Variants in NCEH1 observed in about 807,000 individuals in gnomAD.
NCEH1 encodes 2-acetyl MAGE hydrolase.
NCEH1 carries 9 observed loss-of-function variants against 25.4 expected under a neutral mutation model. That is an observed-to-expected ratio of 0.35 (90% CI 0.21 to 0.62). NCEH1 has a LOEUF of 0.62. Among genes scored for constraint, NCEH1 ranks in the 20% least tolerant of loss-of-function variants. The pLI, the probability that NCEH1 is intolerant of heterozygous loss-of-function variation, is 0.72. For missense variants in NCEH1, 412 were observed against 501.1 expected (o/e 0.82, Z 1.70); for synonymous variants, 200 against 199.8 (o/e 1.00, Z -0.01).
rs1177967765 is a variant in NCEH1, at chr3:172,645,797, AAAAAC to A, written c.368-110_368-106del. 9 of 591,140 alleles carry A rather than the reference AAAAAC, an allele frequency of 1.5e-5. No homozygotes were observed. In the African/African-American group the frequency reaches 1.7e-4, roughly 11 times the overall value. 36.6% of individuals were successfully genotyped at this position (591,140 alleles called of 1,614,324 possible). A position where few individuals can be genotyped will look rare whatever the true frequency, so the allele number is the denominator to read the frequency against. On this transcript the variant is annotated intron_variant, in intron 2 of 4. Transcript: ENST00000475381. Reference sequence around the variant, plus strand: ...TGTTTTTAGGCTTGGAGCTAATACTAAAAACAAATAATAAAAAGCAAATGTGAACA... The same window carrying A: ...TGTTTTTAGGCTTGGAGCTAATACTAAAATAATAAAAAGCAAATGTGAACA...
At chr3:172,675,335 A>AATTAATTAATTAATTAATT (rs1560197091) in intron 1 of NCEH1, among the ~76,000 whole-genome samples, 6 of 137,638 alleles carry the variant, frequency 4.4e-5, no homozygotes, top group African/African-American at 8.3e-5. Context: ...ATAAATAAAT[A>AATTAATTAATTAATTAATT]AATAAATGAT....
intron 1 of NCEH1, among the ~76,000 whole-genome samples, chr3:172,689,156 A>G (rs964800840): frequency 2.0e-5 from 3 of 151,580 alleles, no homozygotes; most frequent in Non-Finnish European, 2.9e-5. Context: ...AATAAGTTGT[A>G]GTAAAGCTGA....
At chr3:172,701,616 G>GTTTTTTT (rs60219751) in intron 1 of NCEH1, among the ~76,000 whole-genome samples, 12 of 110,724 alleles carry the variant, frequency 1.1e-4, no homozygotes, top group African/African-American at 1.5e-4. Flanking sequence ...TGCCCAGCTA[G>GTTTTTTT]TTTTTTTTTT....
chr3:172,663,113 C>T (rs1015288826), intron 1 of NCEH1, among the ~76,000 whole-genome samples: 2 of 152,128 alleles, frequency 1.3e-5, no homozygotes, highest in African/African-American at 4.8e-5. Flanking sequence ...CATAAATTTA[C>T]TTCTACACAC....
chr3:172,669,021 CAA>C (rs1718359849), intron 1 of NCEH1, among the ~76,000 whole-genome samples: 1 of 151,876 alleles, frequency 6.6e-6, no homozygotes, highest in Non-Finnish European at 1.5e-5. Flanking sequence ...TTTTAGTATA[CAA>C]AAGAGTAGTT....
At chr3:172,662,522 A>G (rs1012769306) in intron 1 of NCEH1, among the ~76,000 whole-genome samples, 2 of 152,178 alleles carry the variant, frequency 1.3e-5, no homozygotes, top group Non-Finnish European at 2.9e-5. Flanking sequence ...TATGATTGGA[A>G]TAGTTTCAGA....
intron 1 of NCEH1, among the ~76,000 whole-genome samples, chr3:172,658,235 G>A (rs532963391): frequency 3.5e-4 from 54 of 152,322 alleles, no homozygotes; most frequent in Non-Finnish European, 6.2e-4. Flanking sequence ...ACATCAGGAA[G>A]TTACCCTGTA....
chr3:172,695,756 C>G (rs532464459), intron 1 of NCEH1, among the ~76,000 whole-genome samples: 3 of 152,034 alleles, frequency 2.0e-5, no homozygotes, highest in African/African-American at 7.2e-5. Context: ...CCAGCCTGGC[C>G]AAAATGGTGA....
intron 1 of NCEH1, among the ~76,000 whole-genome samples, chr3:172,674,922 C>T (rs752887557): frequency 2.6e-4 from 39 of 152,108 alleles, no homozygotes; most frequent in Non-Finnish European, 5.0e-4. Flanking sequence ...GTTTTACTAT[C>T]ATTACGTTTA....
intron 1 of NCEH1, among the ~76,000 whole-genome samples, chr3:172,666,999 G>T (rs758378372): frequency 1.3e-5 from 2 of 152,182 alleles, no homozygotes; most frequent in African/African-American, 4.8e-5. Context: ...GTATTTCTAA[G>T]CCAACAGCGC....
intron 1 of NCEH1, among the ~76,000 whole-genome samples, chr3:172,658,705 C>T (rs1717816794): frequency 6.6e-6 from 1 of 152,126 alleles, no homozygotes. Context: ...AATAAAAGAG[C>T]TCACAGACGG....
chr3:172,705,444 G>A (rs2049231), intron 1 of NCEH1, among the ~76,000 whole-genome samples: 69,560 of 152,044 alleles, frequency 0.46, 18,017 homozygotes, highest in East Asian at 0.7. Context: ...ATGTACAGGG[G>A]ATTGAGGCCC....
At chr3:172,693,523 C>G (rs1257077111) in intron 1 of NCEH1, among the ~76,000 whole-genome samples, 1 of 151,824 alleles carries the variant, frequency 6.6e-6, no homozygotes, top group Non-Finnish European at 1.5e-5. Flanking sequence ...TTTAACCACT[C>G]ATAATACCCA....
intron 1 of NCEH1, among the ~76,000 whole-genome samples, chr3:172,676,898 C>A (rs1461155468): frequency 6.6e-6 from 1 of 152,048 alleles, no homozygotes; most frequent in Non-Finnish European, 1.5e-5. Flanking sequence ...CCTCCCACAA[C>A]AATAACTAGA....
chr3:172,700,657 GCTAA>G (rs772895331), intron 1 of NCEH1, among the ~76,000 whole-genome samples: 26 of 152,068 alleles, frequency 1.7e-4, no homozygotes, highest in Non-Finnish European at 3.2e-4. Context: ...ACCACATCTG[GCTAA>G]CTATGTTTTG....
At chr3:172,651,959 G>A (rs1436021101) in intron 1 of NCEH1, among the ~76,000 whole-genome samples, 3 of 152,190 alleles carry the variant, frequency 2.0e-5, no homozygotes, top group African/African-American at 7.2e-5. Context: ...GGTAGAAGAG[G>A]GGAAGAGAAA....
chr3:172,680,012 C>T (rs1393113862), intron 1 of NCEH1, among the ~76,000 whole-genome samples: 2 of 152,056 alleles, frequency 1.3e-5, no homozygotes, highest in Non-Finnish European at 2.9e-5. Context: ...TTGTCCAGTC[C>T]AGGGCTACTC....
intron 1 of NCEH1, among the ~76,000 whole-genome samples, chr3:172,674,364 A>C (rs1577075205): frequency 1.4e-5 from 2 of 147,260 alleles, no homozygotes; most frequent in African/African-American, 5.1e-5. Context: ...AATCGCTTGA[A>C]CCCGGGAGGC....
At position 172,630,944 on chromosome 3, in the gene NCEH1, T is replaced by A. The variant is rs1716317266; in HGVS notation, c.*2531A>T. The A allele has an allele frequency of 6.9e-6, 1 of 145,526 alleles. No homozygotes were observed. The highest frequency in any genetic ancestry group is 2.1e-4 in the South Asian group (1 of 4,710). The allele number at this position is 145,526 out of a possible 1,614,324, so 9.0% of individuals were successfully genotyped here. A position where few individuals can be genotyped will look rare whatever the true frequency, so the allele number is the denominator to read the frequency against. ...CAAGGTTTTTCTTTATATATTAATG[T>A]TTATATTTCACAGACAATTTTACAA... On this transcript the variant is annotated 3_prime_UTR_variant, in exon 5 of 5. Transcript: ENST00000475381.
Sources: gnomAD v4.1 joint callset for allele counts (sites outside exome capture counted in the v4.1 genomes callset) on GRCh38, gnomAD v4.1.1 for gene constraint, MANE v1.5 for transcripts, NCBI Gene and HGNC (gene_info 2026-07-23, HGNC 2026-07-21) for gene names.